RAB10: variants seen among roughly 807,000 people sequenced by gnomAD.
RAB10 encodes ras-related protein Rab-10.
In RAB10, 5 loss-of-function variants were observed where a neutral mutation model predicts 25.7. The observed-to-expected ratio is 0.19, with a 90% CI of 0.10 to 0.41. RAB10 has a LOEUF of 0.41. Among genes scored for constraint, RAB10 ranks in the 10% least tolerant of loss-of-function variants. RAB10 has a pLI of 1.00. For missense variants in RAB10, 103 were observed against 245.8 expected (o/e 0.42, Z 3.89); for synonymous variants, 89 against 86.4 (o/e 1.03, Z -0.16).
intron 1 of RAB10, among the ~76,000 whole-genome samples, chr2:26,071,445 TG>T (rs1463763335): frequency 2.0e-5 from 3 of 152,210 alleles, no homozygotes; most frequent in East Asian, 3.8e-4. Context: ...CCCAACACTT[TG>T]GGAGGCCAAG....
At position 26,114,405 on chromosome 2, in the gene RAB10, T is replaced by C. The variant is rs900758861; in HGVS notation, c.327+4499T>C. 2.0e-5 allele frequency among the ~76,000 whole-genome samples: 3 copies of C among 152,308 alleles called. No individual in the cohort carries two copies. In the East Asian group the frequency reaches 5.8e-4, roughly 29 times the overall value. On this transcript the variant is annotated intron_variant, in intron 3 of 5. Transcript: ENST00000264710. ...ACATAAGGATAGTCATAAAGATTGA[T>C]TGAATAGTATTGAGAGTCTAAAAAT...
chr2:26,047,423 G>GT (rs1470096896), intron 1 of RAB10, among the ~76,000 whole-genome samples: 4 of 119,110 alleles, frequency 3.4e-5, no homozygotes, highest in African/African-American at 3.4e-5. Flanking sequence ...TTGTTTGTTT[G>GT]TTTTTTTATT....
intron 1 of RAB10, among the ~76,000 whole-genome samples, chr2:26,046,981 A>G (rs1666026128): frequency 6.6e-6 from 1 of 152,170 alleles, no homozygotes; most frequent in South Asian, 2.1e-4. Flanking sequence ...TACTTTGCCC[A>G]GTTTCTTCCA....
At chr2:26,043,327 TGA>T (rs1665930880) in intron 1 of RAB10, among the ~76,000 whole-genome samples, 1 of 151,930 alleles carries the variant, frequency 6.6e-6, no homozygotes. Flanking sequence ...GAGGCTGAGG[TGA>T]GAGGATCACT....
At chr2:26,102,835 G>T (rs988544473) in intron 2 of RAB10, among the ~76,000 whole-genome samples, 3 of 152,068 alleles carry the variant, frequency 2.0e-5, no homozygotes, top group Non-Finnish European at 4.4e-5. Context: ...GGCAAAGCCA[G>T]GGTTTTCCTT....
intron 5 of RAB10, among the ~76,000 whole-genome samples, chr2:26,129,140 CG>C (rs980401336): frequency 4.0e-5 from 6 of 151,870 alleles, no homozygotes; most frequent in African/African-American, 1.5e-4. Flanking sequence ...TGTGGTGGCA[CG>C]TGCCTGTAAT....
chr2:26,086,006 A>G (rs1224021357), intron 1 of RAB10, among the ~76,000 whole-genome samples: 203 of 146,136 alleles, frequency 1.4e-3, no homozygotes, highest in African/African-American at 4.9e-3. Flanking sequence ...TCCAAAAAAA[A>G]AAAAAAAAAA....
chr2:26,038,986 T>C (rs1665827301), intron 1 of RAB10, among the ~76,000 whole-genome samples: 1 of 149,726 alleles, frequency 6.7e-6, no homozygotes, highest in Admixed American at 6.7e-5. Context: ...AGAAATAATG[T>C]GAGCCACATA....
chr2:26,110,197 G>A (rs1667541010), intron 3 of RAB10, among the ~76,000 whole-genome samples: 1 of 151,966 alleles, frequency 6.6e-6, no homozygotes, highest in Non-Finnish European at 1.5e-5. Context: ...AATCAGCTGG[G>A]TGTGGTGATG....
At chr2:26,126,200 C>T (rs1274466392) in intron 3 of RAB10, among the ~76,000 whole-genome samples, 3 of 152,128 alleles carry the variant, frequency 2.0e-5, no homozygotes, top group Admixed American at 6.5e-5. Context: ...CTCTCTATTC[C>T]ATTCCATTAG....
Position 26,060,876 on chromosome 2 carries a change from G to A in RAB10, c.127+26141G>A, listed in dbSNP as rs147755089. Among the ~76,000 whole-genome samples the A allele has an allele frequency of 5.1e-3, 780 of 152,076 alleles. 7 individuals carry two copies. Among genetic ancestry groups the A allele is most frequent in the Middle Eastern group, 0.01 (3 of 294 alleles). ...CTGGCCCGACTTAAATGTCTTTCAA[G>A]ATGGCTACAGAGCTTCCATTTTGCT... On this transcript the variant is annotated intron_variant, in intron 1 of 5. Coordinates refer to ENST00000264710, the MANE Select transcript of RAB10 (RefSeq NM_016131.5).
At chr2:26,114,737 C>CAAAAAAAAAAAAAAAAAAAAAAAAAAAA (rs58252306) in intron 3 of RAB10, among the ~76,000 whole-genome samples, 13 of 66,038 alleles carry the variant, frequency 2.0e-4, no homozygotes, top group African/African-American at 6.5e-4. Flanking sequence ...CAAAAATATA[C>CAAAAAAAAAAAAAAAAAAAAAAAAAAAA]AAAAAAAAAA....
intron 1 of RAB10, among the ~76,000 whole-genome samples, chr2:26,040,888 A>G (rs1405471301): frequency 1.3e-5 from 2 of 152,188 alleles, no homozygotes; most frequent in East Asian, 1.9e-4. Context: ...ATTCTCATAC[A>G]TCCGTATTAG....
At chr2:26,126,714 G>T (rs1667910024) in intron 3 of RAB10, among the ~76,000 whole-genome samples, 1 of 152,118 alleles carries the variant, frequency 6.6e-6, no homozygotes, top group African/African-American at 2.4e-5. Flanking sequence ...TGATTTTTCT[G>T]CATGGACCTC....
intron 1 of RAB10, among the ~76,000 whole-genome samples, chr2:26,051,073 G>C (rs989991146): frequency 6.6e-6 from 1 of 151,862 alleles, no homozygotes; most frequent in Admixed American, 6.6e-5. Context: ...AAGTAGCTAG[G>C]ACTACAGGCA....
intron 1 of RAB10, among the ~76,000 whole-genome samples, chr2:26,041,543 C>CAAAAAAAAAAAAAAAA (rs1230627488): frequency 2.2e-5 from 1 of 44,622 alleles, no homozygotes; most frequent in African/African-American, 8.5e-5. Context: ...GACGCTGACT[C>CAAAAAAAAAAAAAAAA]AAAAAAAAAA....
chr2:26,117,596 G>A (rs1189607955), intron 3 of RAB10, among the ~76,000 whole-genome samples: 3 of 149,926 alleles, frequency 2.0e-5, no homozygotes, highest in Non-Finnish European at 4.4e-5. Context: ...CTCCAGACTG[G>A]GCGACAGAGC....
chr2:26,060,214 T>TG (rs1559581091), intron 1 of RAB10, among the ~76,000 whole-genome samples: 1 of 152,250 alleles, frequency 6.6e-6, no homozygotes, highest in East Asian at 1.9e-4. Flanking sequence ...GCTGTGTGCC[T>TG]GGCACTGTGT....
chr2:26,121,581 T>C (rs1405478939), intron 3 of RAB10, among the ~76,000 whole-genome samples: 1 of 152,148 alleles, frequency 6.6e-6, no homozygotes, highest in Non-Finnish European at 1.5e-5. Context: ...CCTAGAAATA[T>C]TGGGCGGGGG....
Sources: gnomAD v4.1 joint callset for allele counts (sites outside exome capture counted in the v4.1 genomes callset) on GRCh38, gnomAD v4.1.1 for gene constraint, MANE v1.5 for transcripts, NCBI Gene and HGNC (gene_info 2026-07-23, HGNC 2026-07-21) for gene names.